SYT16: variants seen among roughly 807,000 people sequenced by gnomAD.
SYT16 encodes the protein synaptotagmin 16, also known as synaptotagmin-16.
In SYT16, 42 loss-of-function variants were observed where a neutral mutation model predicts 61.4. The observed-to-expected ratio is 0.68, with a 90% confidence interval of 0.53 to 0.89. The LOEUF (loss-of-function observed/expected upper bound fraction) is 0.89, where lower values mean the gene tolerates loss of function less well. Ranked by LOEUF, SYT16 falls within the 40% of genes least tolerant of loss-of-function variation. The probability of loss-of-function intolerance (pLI) is 0.00; values close to 1 mark genes in which losing one functional copy is unlikely to be tolerated. For missense variants in SYT16, 804 were observed against 807.3 expected (o/e 1.00, Z 0.05); for synonymous variants, 314 against 302.3 (o/e 1.04, Z -0.40).
chr14:61,862,773 G>A (rs73256489), intron 1 of SYT16, among the ~76,000 whole-genome samples: 20,816 of 152,062 alleles, frequency 0.14, 1,580 homozygotes, highest in African/African-American at 0.2. Flanking sequence ...CTGTCCATTC[G>A]TCCTTCTACC....
chr14:61,819,664 A>G (rs553960720), intron 1 of SYT16, among the ~76,000 whole-genome samples: 7 of 152,360 alleles, frequency 4.6e-5, no homozygotes, highest in African/African-American at 7.2e-5. Flanking sequence ...AGCACCATAC[A>G]GATAACCTAC....
At chr14:62,011,924 C>CATATATAT (rs71449575) in intron 3 of SYT16, among the ~76,000 whole-genome samples, 1 of 86,992 alleles carries the variant, frequency 1.1e-5, no homozygotes, top group African/African-American at 4.7e-5. Flanking sequence ...CACACACACA[C>CATATATAT]ACATATATAT....
At chr14:61,890,192 GA>G (rs1424047216) in intron 1 of SYT16, among the ~76,000 whole-genome samples, 1 of 152,178 alleles carries the variant, frequency 6.6e-6, no homozygotes, top group African/African-American at 2.4e-5. Flanking sequence ...AAAACAGTAA[GA>G]AAGGCTGGGA....
At chr14:61,866,026 A>G (rs1355267971) in intron 1 of SYT16, among the ~76,000 whole-genome samples, 2 of 152,202 alleles carry the variant, frequency 1.3e-5, no homozygotes, top group Non-Finnish European at 2.9e-5. Flanking sequence ...CTACAGAAAT[A>G]CATGTTTAAA....
At chr14:61,915,068 AT>A (rs1439952079) in intron 1 of SYT16, among the ~76,000 whole-genome samples, 2 of 151,850 alleles carry the variant, frequency 1.3e-5, no homozygotes, top group South Asian at 2.1e-4. Flanking sequence ...CAACCCACTT[AT>A]TTTTTTCATG....
chr14:61,993,508 G>A (rs986467880), intron 2 of SYT16, among the ~76,000 whole-genome samples: 2 of 152,082 alleles, frequency 1.3e-5, no homozygotes, highest in Non-Finnish European at 2.9e-5. Flanking sequence ...AATTATTAAG[G>A]AAAACATGTC....
At chr14:61,863,258 G>T (rs73258403) in intron 1 of SYT16, among the ~76,000 whole-genome samples, 1 of 152,124 alleles carries the variant, frequency 6.6e-6, no homozygotes, top group African/African-American at 2.4e-5. Flanking sequence ...GAGAGTTCCT[G>T]TTGTTCCGCA....
intron 3 of SYT16, among the ~76,000 whole-genome samples, chr14:62,048,805 C>A (rs1199624085): frequency 6.6e-6 from 1 of 152,100 alleles, no homozygotes; most frequent in Non-Finnish European, 1.5e-5. Context: ...GTTTCTGAAT[C>A]CTGAGTTCTA....
intron 1 of SYT16, among the ~76,000 whole-genome samples, chr14:61,936,754 T>C (rs1023871871): frequency 8.5e-5 from 13 of 152,290 alleles, no homozygotes; most frequent in Non-Finnish European, 1.9e-4. Flanking sequence ...CCTTAGCTCT[T>C]TGACGCTCCC....
At chr14:61,882,203 A>G (rs957376967) in intron 1 of SYT16, among the ~76,000 whole-genome samples, 2 of 152,198 alleles carry the variant, frequency 1.3e-5, no homozygotes, top group Non-Finnish European at 2.9e-5. Context: ...AATTATAAAA[A>G]TAGAATGAAC....
chr14:62,076,497 C>A (rs2056501479), intron 5 of SYT16, among the ~76,000 whole-genome samples: 1 of 151,274 alleles, frequency 6.6e-6, no homozygotes, highest in Admixed American at 6.6e-5. Flanking sequence ...TAACTGCTAA[C>A]ATGTTGGCGT....
At chr14:62,046,633 A>C (rs2055000276) in intron 3 of SYT16, among the ~76,000 whole-genome samples, 1 of 152,180 alleles carries the variant, frequency 6.6e-6, no homozygotes, top group African/African-American at 2.4e-5. Flanking sequence ...TTTTTATATA[A>C]GGTGTAAGGA....
At chr14:62,076,433 A>G (rs2056498018) in intron 5 of SYT16, among the ~76,000 whole-genome samples, 1 of 142,494 alleles carries the variant, frequency 7.0e-6, no homozygotes, top group Admixed American at 6.9e-5. Context: ...CACACGCTAA[A>G]TGCTCAAGGT....
intron 7 of SYT16, among the ~76,000 whole-genome samples, chr14:62,086,622 CTG>C (rs1221542892): frequency 4.2e-4 from 64 of 152,236 alleles, no homozygotes; most frequent in East Asian, 7.7e-4. Context: ...ACATGCAAAA[CTG>C]TGATGTTGAG....
At chr14:61,950,573 A>G (rs1219410520) in intron 1 of SYT16, among the ~76,000 whole-genome samples, 1 of 152,162 alleles carries the variant, frequency 6.6e-6, no homozygotes, top group Non-Finnish European at 1.5e-5. Context: ...GAAATTTTCT[A>G]ATGTGTCACA....
intron 3 of SYT16, among the ~76,000 whole-genome samples, chr14:62,036,097 G>A (rs2054495611): frequency 6.6e-6 from 1 of 152,150 alleles, no homozygotes; most frequent in African/African-American, 2.4e-5. Flanking sequence ...TGCTTCCATA[G>A]GGGTAAGCAC....
At chr14:61,968,124 G>C (rs941304730) in intron 1 of SYT16, among the ~76,000 whole-genome samples, 2 of 152,116 alleles carry the variant, frequency 1.3e-5, no homozygotes, top group African/African-American at 4.8e-5. Flanking sequence ...AGCTGGGTAT[G>C]GTGGCGCATG....
At chr14:61,853,906 A>C (rs181341163) in intron 1 of SYT16, among the ~76,000 whole-genome samples, 30 of 152,296 alleles carry the variant, frequency 2.0e-4, no homozygotes, top group African/African-American at 6.7e-4. Flanking sequence ...AAGGACATAA[A>C]ATTTGAACTT....
At chr14:61,963,024 C>T (rs2262779) in intron 1 of SYT16, among the ~76,000 whole-genome samples, 13,532 of 152,024 alleles carry the variant, frequency 0.089, 1,275 homozygotes, top group African/African-American at 0.23. Flanking sequence ...TCTAGAACTG[C>T]AATAGTGTCC....
Sources: gnomAD v4.1 joint callset for allele counts (sites outside exome capture counted in the v4.1 genomes callset) on GRCh38, gnomAD v4.1.1 for gene constraint, MANE v1.5 for transcripts, NCBI Gene and HGNC (gene_info 2026-07-23, HGNC 2026-07-21) for gene names.